Variants in HDAC9 observed in about 807,000 individuals in gnomAD.
HDAC9 encodes the protein histone deacetylase 9, also known as MEF-2 interacting transcription repressor (MITR) protein.
Under a neutral mutation model 139.4 loss-of-function variants are expected in HDAC9, and 41 were observed. That is an observed-to-expected ratio of 0.29 (90% CI 0.23 to 0.38). HDAC9 has a LOEUF of 0.38. Ranked by LOEUF, HDAC9 falls within the 10% of genes least tolerant of loss-of-function variation. The pLI is 1.00. For missense variants in HDAC9, 1,147 were observed against 1,297.0 expected, an observed-to-expected ratio of 0.88 and a Z score of 1.78; for synonymous variants, 517 against 476.2, an observed-to-expected ratio of 1.09 and a Z score of -1.12.
intron 22 of HDAC9, chr7:18,892,106 A>T (rs1308989365): frequency 1.3e-5 from 2 of 152,190 alleles, no homozygotes; most frequent in Non-Finnish European, 2.9e-5. Flanking sequence ...TGAGCTTTCA[A>T]GGAGTTTATT....
At chr7:18,376,600 A>T (rs1415029648) in intron 1 of HDAC9, among the ~76,000 whole-genome samples, 1 of 152,160 alleles carries the variant, frequency 6.6e-6, no homozygotes, top group Non-Finnish European at 1.5e-5. Context: ...ATTGATGCAG[A>T]CTTCTGGTTA....
chr7:18,682,172 T>C (rs1157226048), intron 12 of HDAC9, among the ~76,000 whole-genome samples: 1 of 152,064 alleles, frequency 6.6e-6, no homozygotes, highest in African/African-American at 2.4e-5. Flanking sequence ...ATGCAAAGTA[T>C]AAATCTTACT....
intron 1 of HDAC9, among the ~76,000 whole-genome samples, chr7:18,137,270 T>A (rs1785494006): frequency 7.5e-6 from 1 of 133,888 alleles, no homozygotes; most frequent in African/African-American, 3.0e-5. Context: ...TTTGACTTCC[T>A]CTTTTCCTAA....
chr7:18,627,125 C>T (rs1841928537), intron 6 of HDAC9, among the ~76,000 whole-genome samples: 1 of 152,190 alleles, frequency 6.6e-6, no homozygotes, highest in Non-Finnish European at 1.5e-5. Context: ...AAGAATCAGG[C>T]TTAGAAAGCA....
At chr7:18,776,083 T>G (rs2519742) in intron 16 of HDAC9, among the ~76,000 whole-genome samples, 38,238 of 151,894 alleles carry the variant, frequency 0.25, 5,753 homozygotes, top group East Asian at 0.61. Context: ...GGAATACAGG[T>G]ACACACCACC....
At chr7:18,855,735 G>A (rs958005370) in intron 21 of HDAC9, among the ~76,000 whole-genome samples, 1 of 151,994 alleles carries the variant, frequency 6.6e-6, no homozygotes, top group Non-Finnish European at 1.5e-5. Flanking sequence ...AGAAAAGAGG[G>A]AGAAGGGATT....
intron 16 of HDAC9, among the ~76,000 whole-genome samples, chr7:18,771,489 TCA>T (rs1790286355): frequency 6.6e-6 from 1 of 152,098 alleles, no homozygotes; most frequent in African/African-American, 2.4e-5. Context: ...TTTTATCTTG[TCA>T]GAATTAAAAT....
At chr7:18,154,361 G>A (rs773179615) in intron 1 of HDAC9, among the ~76,000 whole-genome samples, 2 of 152,192 alleles carry the variant, frequency 1.3e-5, no homozygotes, top group African/African-American at 2.4e-5. Flanking sequence ...TGTAACCCTA[G>A]TGGAGTGAGA....
intron 12 of HDAC9, among the ~76,000 whole-genome samples, chr7:18,719,662 G>A (rs1784994734): frequency 6.6e-6 from 1 of 151,930 alleles, no homozygotes; most frequent in South Asian, 2.1e-4. Context: ...TTTTTTGGGG[G>A]AGGGGGTCTC....
At chr7:18,696,483 T>A (rs1250450228) in intron 12 of HDAC9, among the ~76,000 whole-genome samples, 1 of 150,514 alleles carries the variant, frequency 6.6e-6, no homozygotes, top group Non-Finnish European at 1.5e-5. Context: ...GCTTTTTTTT[T>A]TTTGAGACGG....
intron 1 of HDAC9, among the ~76,000 whole-genome samples, chr7:18,419,071 A>G (rs968928522): frequency 2.0e-5 from 3 of 152,172 alleles, no homozygotes; most frequent in Non-Finnish European, 4.4e-5. Context: ...TCTTTACACC[A>G]TATAGAAGAT....
intron 12 of HDAC9, among the ~76,000 whole-genome samples, chr7:18,706,958 G>A (rs1008226342): frequency 2.0e-5 from 3 of 152,160 alleles, no homozygotes; most frequent in Non-Finnish European, 4.4e-5. Context: ...CTCCCCAGAC[G>A]AGGTTATGGA....
chr7:18,134,148 G>A (rs576237397), intron 1 of HDAC9, among the ~76,000 whole-genome samples: 1 of 152,026 alleles, frequency 6.6e-6, no homozygotes, highest in African/African-American at 2.4e-5. Flanking sequence ...TGGCACCATA[G>A]TGTTCTCAGC....
chr7:18,444,659 C>T (rs1381737821), intron 1 of HDAC9, among the ~76,000 whole-genome samples: 1 of 152,038 alleles, frequency 6.6e-6, no homozygotes, highest in Non-Finnish European at 1.5e-5. Flanking sequence ...TTTATAGTTT[C>T]ATAGTTCTTT....
chr7:18,285,732 A>G (rs1030251738), upstream of HDAC9, among the ~76,000 whole-genome samples: 18 of 152,126 alleles, frequency 1.2e-4, no homozygotes, highest in Admixed American at 1.3e-4. Context: ...AGACAGGCAC[A>G]CTGGAATGCT....
intron 21 of HDAC9, among the ~76,000 whole-genome samples, chr7:18,838,506 T>C (rs1195918066): frequency 3.3e-5 from 5 of 151,912 alleles, no homozygotes; most frequent in Non-Finnish European, 7.4e-5. Context: ...GGACATGAGG[T>C]GGGATTGGTA....
At chr7:18,387,949 A>G (rs1786096439) in intron 1 of HDAC9, among the ~76,000 whole-genome samples, 1 of 152,022 alleles carries the variant, frequency 6.6e-6, no homozygotes, top group Admixed American at 6.5e-5. Context: ...GAGAGAAAAA[A>G]AAAAGAAAAA....
At chr7:18,301,990 G>A (rs1798569750) in intron 1 of HDAC9, among the ~76,000 whole-genome samples, 1 of 152,124 alleles carries the variant, frequency 6.6e-6, no homozygotes, top group Admixed American at 6.6e-5. Flanking sequence ...TGATTTAAAT[G>A]TTCAATGACT....
intron 1 of HDAC9, among the ~76,000 whole-genome samples, chr7:18,326,076 T>C (rs1800424752): frequency 3.9e-5 from 6 of 152,104 alleles, no homozygotes; most frequent in Admixed American, 3.9e-4. Context: ...TGTAAAATTA[T>C]CACTTTTCAG....
Sources: gnomAD v4.1 joint callset for allele counts (sites outside exome capture counted in the v4.1 genomes callset) on GRCh38, gnomAD v4.1.1 for gene constraint, MANE v1.5 for transcripts, NCBI Gene and HGNC (gene_info 2026-07-23, HGNC 2026-07-21) for gene names.